Variants in SPTBN2 observed in about 807,000 individuals in gnomAD.
SPTBN2 encodes spectrin beta, non-erythrocytic 2.
A neutral mutation model predicts 284.2 loss-of-function variants in SPTBN2; 107 were observed. The ratio of observed to expected loss-of-function variants is 0.38; its 90% CI spans 0.32 to 0.44. The LOEUF (loss-of-function observed/expected upper bound fraction) is 0.44, where lower values mean the gene tolerates loss of function less well. Ranked by LOEUF, SPTBN2 falls within the 20% of genes least tolerant of loss-of-function variation. The pLI is 1.00. For synonymous variants in SPTBN2, 1,289 were observed against 1,354.8 expected, an observed-to-expected ratio of 0.95 and a Z score of 1.07; for missense variants, 2,569 against 3,287.1, an observed-to-expected ratio of 0.78 and a Z score of 5.34.
Position 66,687,814 on chromosome 11 carries a change from C to A in SPTBN2, c.6501+54G>T, listed in dbSNP as rs753131856. On this transcript the variant is annotated intron_variant, in intron 34 of 37. Transcript: ENST00000533211. The surrounding 1 kb of genome is among the most constrained non-coding windows in gnomAD (Gnocchi z 5.2). ...ACTCCCCCACCCGCACTCACCACCC[C>A]CTCTGGACCCTTCGCCTCACAGTTA... 7 of 1,612,016 alleles carry A rather than the reference C, an allele frequency of 4.3e-6. No homozygotes were observed. Among genetic ancestry groups the A allele is most frequent in the African/African-American group, 1.3e-5 (1 of 74,976 alleles).
chr11:66,717,554 C>T (rs772623152), intron 3 of SPTBN2, among the ~76,000 whole-genome samples: 1 of 152,210 alleles, frequency 6.6e-6, no homozygotes, highest in Non-Finnish European at 1.5e-5. Flanking sequence ...TAACATGGGA[C>T]GGCCCCATGC....
chr11:66,705,596 G>C (rs909469397), intron 14 of SPTBN2, 88 bp downstream of exon 14: 10 of 1,601,792 alleles, frequency 6.2e-6, no homozygotes, highest in Non-Finnish European at 5.9e-6. Flanking sequence ...CATCTTTCCC[G>C]TCCCCAGGTT....
intron 18 of SPTBN2, 74 bp downstream of exon 18, chr11:66,699,332 G>A (rs1287609730): frequency 3.8e-6 from 6 of 1,572,770 alleles, no homozygotes; most frequent in South Asian, 1.1e-5. Flanking sequence ...CCTGTGCCAC[G>A]TTTATCTTTG....
At position 66,698,724 on chromosome 11, in the gene SPTBN2, C is replaced by T. The variant is rs201852582; in HGVS notation, c.3929G>A (p.Arg1310His). ...CTTCTGCCACTTAGTATGCAGGTTG[C>T]GGGCCTCGTCATAGGACACGTCCTG... is the stretch of plus-strand genomic sequence containing the variant. The part of the protein sequence containing the change: ...TAQDVSYDEA[R>H]NLHTKWQKHQ... Residue 1310 changes from arginine to histidine, a missense_variant, in exon 20 of 38, where the codon CGC becomes CAC. Arg to His is a conservative substitution (Grantham distance 29). Around this residue, in one of 6 missense-constraint regions of SPTBN2, gnomAD observed 24 missense variants for 58.1 expected, o/e 0.41. Coordinates refer to ENST00000533211, the MANE Select transcript of SPTBN2 (RefSeq NM_006946.4). 21 of 1,614,212 alleles carry T rather than the reference C, an allele frequency of 1.3e-5. No homozygotes were observed. The highest frequency in any genetic ancestry group is 3.3e-5 in the South Asian group (3 of 91,092).
intron 1 of SPTBN2, among the ~76,000 whole-genome samples, chr11:66,739,308 T>C (rs995133411): frequency 6.6e-6 from 1 of 152,228 alleles, no homozygotes; most frequent in African/African-American, 2.4e-5. Context: ...CTTTAAAGAC[T>C]GTACACCTGT....
intron 20 of SPTBN2, among the ~76,000 whole-genome samples, chr11:66,697,525 C>G (rs1040019875): frequency 2.6e-5 from 4 of 152,192 alleles, no homozygotes; most frequent in Admixed American, 2.0e-4. Context: ...TCACTCACCC[C>G]CTTGCTCCCA....
chr11:66,713,822 T>G, intron 7 of SPTBN2, 76 bp from the exon 8 acceptor site: 2 of 1,281,442 alleles, frequency 1.6e-6, no homozygotes, highest in Non-Finnish European at 2.3e-6. Flanking sequence ...CACACCAATC[T>G]TTATCCCTAA....
In SPTBN2 at chr11:66,715,626, T is replaced by C. The variant is rs1233335569; in HGVS notation, c.309+204A>G. Reference sequence around the variant, plus strand: ...TAGGTGGGAAAAGAAATGTTTTCAATGGGGCCACTGTTCCTGTCTCCATGA... The same window carrying C: ...TAGGTGGGAAAAGAAATGTTTTCAACGGGGCCACTGTTCCTGTCTCCATGA... On this transcript the variant is annotated intron_variant, in intron 4 of 37. Transcript: ENST00000533211. This position sits in a 1 kb window ranked among gnomAD's most constrained non-coding sequence, Gnocchi z 5.3. Among the ~76,000 whole-genome samples, 1 of 152,210 alleles carries C rather than the reference T, an allele frequency of 6.6e-6. No individual in the cohort carries two copies. The highest frequency in any genetic ancestry group is 1.9e-4 in the East Asian group (1 of 5,200).
rs2135611823 is a variant in SPTBN2, at chr11:66,738,270, C to CGTCT, written c.-475+6271_-475+6272insAGAC. Among the ~76,000 whole-genome samples, 3 of 152,204 alleles carry CGTCT rather than the reference C, an allele frequency of 2.0e-5. No homozygotes were observed. In the South Asian group the frequency reaches 6.2e-4, roughly 32 times the overall value. On this transcript the variant is annotated intron_variant, in intron 1 of 37. Coordinates refer to the SPTBN2 transcript ENST00000611817. ...CTTCTAATTTAAATATTCTAAAACTCTGATTGTTTCATAGACATTATTTTA... is the reference window on the plus strand; with the variant it reads ...CTTCTAATTTAAATATTCTAAAACTCGTCTTGATTGTTTCATAGACATTATTTTA...
rs769798589 is a variant in SPTBN2, at chr11:66,721,073, T to C, written c.157+11A>G. ...CAGCATCCCCCCACCTCGACCCTCC[T>C]CTGACCTCACCTGCCAGAGCCTTAA... On this transcript the variant is annotated intron_variant, in intron 3 of 37. Coordinates refer to ENST00000533211, the MANE Select transcript of SPTBN2 (RefSeq NM_006946.4). 37 of 1,614,032 alleles carry C rather than the reference T, an allele frequency of 2.3e-5. No individual in the cohort carries two copies. The East Asian group carries it at 8.2e-4, about 36-fold the overall frequency.
Position 66,720,939 on chromosome 11 carries a change from G to C in SPTBN2, c.157+145C>G, listed in dbSNP as rs1942373703. 16 of 1,109,072 alleles carry C rather than the reference G, an allele frequency of 1.4e-5. No homozygotes were observed. In the South Asian group the frequency reaches 2.2e-4, roughly 15 times the overall value. The allele number at this position is 1,109,072 out of a possible 1,614,324, so 68.7% of individuals were successfully genotyped here. ...CTGGAGCCTATTCTTGAGGCTGGAT[G>C]TGGGGACCAGGGAATTGATAGAGTG... On this transcript the variant is annotated intron_variant, in intron 3 of 37. Transcript: ENST00000533211.
chr11:66,739,953 A>G (rs1423205230), intron 1 of SPTBN2, among the ~76,000 whole-genome samples: 1 of 152,056 alleles, frequency 6.6e-6, no homozygotes, highest in Non-Finnish European at 1.5e-5. Flanking sequence ...AATAGCTTGA[A>G]CCCAGGAGAT....
rs1942381841 is a variant in SPTBN2, at chr11:66,721,118, G to A, written c.123C>T (p.Arg41=). The change falls in exon 3 of 38, where the codon CGC becomes CGT. Residue 41 remains arginine, a synonymous_variant. Transcript: ENST00000533211. Reference sequence around the variant, plus strand: ...CCTTAATGCGAGACCTCTCAAAGAGGCGGGCCGAGCTGCTGTCATTGTCCC... The same window carrying A: ...CCTTAATGCGAGACCTCTCAAAGAGACGGGCCGAGCTGCTGTCATTGTCCC... The part of the protein sequence containing the change: ...SDWDNDSSSA[R]LFERSRIKAL... The A allele has an allele frequency of 3.1e-6, 5 of 1,614,160 alleles. No individual in the cohort carries two copies. Among genetic ancestry groups the A allele is most frequent in the Non-Finnish European group, 3.4e-6 (4 of 1,180,034 alleles).
Position 66,688,186 on chromosome 11 carries a change from A to G in SPTBN2, c.6357T>C (p.Ser2119=). 6.2e-7 allele frequency: 1 copy of G among 1,613,640 alleles called. No homozygotes were observed. Among genetic ancestry groups the G allele is most frequent in the Non-Finnish European group, 8.5e-7 (1 of 1,180,026 alleles). The part of the protein sequence containing the change: ...PGDLVGGQTA[S]DTTWDGTQPR... Reference sequence around the variant, plus strand: ...GCTCTCACCCGTCCCAGGTGGTGTCAGAAGCTGTCTGGCCGCCCACCAGGT... The same window carrying G: ...GCTCTCACCCGTCCCAGGTGGTGTCGGAAGCTGTCTGGCCGCCCACCAGGT... Residue 2119 remains serine (S), a synonymous_variant, in exon 32 of 38, where the codon TCT becomes TCC. Coordinates refer to ENST00000533211, the MANE Select transcript of SPTBN2 (RefSeq NM_006946.4).
chr11:66,710,664 G>A lies in SPTBN2; in HGVS notation c.991C>T (p.Arg331Trp), dbSNP rs1239508093. The A allele has an allele frequency of 6.8e-6, 11 of 1,614,050 alleles. No homozygotes were observed. Among genetic ancestry groups the A allele is most frequent in the Admixed American group, 5.0e-5 (3 of 60,006 alleles). The change falls in exon 10 of 38, where the codon CGG (arginine) becomes TGG (tryptophan). Residue 331 changes from arginine to tryptophan, a missense_variant. This residue lies in a region of SPTBN2 where 304 missense variants were observed against 522.1 expected (regional missense o/e 0.58). Transcript: ENST00000533211. This position sits in a 1 kb window ranked among gnomAD's most constrained non-coding sequence, Gnocchi z 4.9. ...IEQTIVTLND[R>W]QLANSLSGVQ... The stretch of plus-strand genomic sequence containing the variant: ...CCGCTAAGGGAGTTGGCCAACTGCC[G>A]GTCATTGAGGGTCACGATCGTTTGC...
intron 15 of SPTBN2, among the ~76,000 whole-genome samples, chr11:66,703,915 CACAG>C (rs1941381698): frequency 6.6e-6 from 1 of 151,672 alleles, no homozygotes; most frequent in Non-Finnish European, 1.5e-5. Flanking sequence ...TTTAAGTCCA[CACAG>C]ACAATTTGAA....
At chr11:66,695,370 C>A (rs909890795) in intron 21 of SPTBN2, among the ~76,000 whole-genome samples, 1 of 152,246 alleles carries the variant, frequency 6.6e-6, no homozygotes, top group Non-Finnish European at 1.5e-5. Flanking sequence ...ATCTTCTCAC[C>A]TCAGCCTCCT....
chr11:66,691,469 C>T lies in SPTBN2; in HGVS notation c.5380G>A (p.Gly1794Ser), dbSNP rs762146913. The change falls in exon 27 of 38, where the codon GGT becomes AGT. Residue 1794 changes from glycine (G) to serine (S), a missense_variant. Coordinates refer to ENST00000533211, the MANE Select transcript of SPTBN2 (RefSeq NM_006946.4). The surrounding 1 kb of genome is among the most constrained non-coding windows in gnomAD (Gnocchi z 8.0). ...ADLLELLDTR[G>S]QVLAAAYELQ... Reference sequence around the variant, plus strand: ...TCGTACGCCGCGGCCAGCACCTGACCCCGTGTGTCCAGCAGCTCAAGCAGG... The same window carrying T: ...TCGTACGCCGCGGCCAGCACCTGACTCCGTGTGTCCAGCAGCTCAAGCAGG... The T allele has an allele frequency of 1.2e-5, 19 of 1,611,642 alleles. No individual in the cohort carries two copies. The highest frequency in any genetic ancestry group is 3.3e-5 in the Admixed American group (2 of 60,000).
At chr11:66,686,352 G>A (rs755383999) in intron 37 of SPTBN2, 46 bp downstream of exon 37, 40 of 1,611,450 alleles carry the variant, frequency 2.5e-5, no homozygotes, top group Non-Finnish European at 3.1e-5. Flanking sequence ...GCAGCTGGAA[G>A]CTTCTGGAAT....
Sources: gnomAD v4.1 joint callset for allele counts (sites outside exome capture counted in the v4.1 genomes callset) on GRCh38, gnomAD v4.1.1 for gene constraint, gnomAD v4.1.1 regional missense constraint, Gnocchi (gnomAD v3.1) non-coding constraint, MANE v1.5 for transcripts, NCBI Gene and HGNC (gene_info 2026-07-23, HGNC 2026-07-21) for gene names.